Variants in CTNNA3 observed in about 807,000 individuals in gnomAD.
CTNNA3 encodes catenin alpha 3.
Under a neutral mutation model 95.7 loss-of-function variants are expected in CTNNA3, and 76 were observed. The ratio of observed to expected loss-of-function variants is 0.79; its 90% CI spans 0.66 to 0.96. The LOEUF (loss-of-function observed/expected upper bound fraction) is 0.96. CTNNA3 is among the 40% of genes least tolerant of loss of function. The pLI, the probability that CTNNA3 is intolerant of heterozygous loss-of-function variation, is 0.00. For missense variants in CTNNA3, 1,191 were observed against 1,089.8 expected (o/e 1.09, Z -1.31); for synonymous variants, 431 against 374.4 (o/e 1.15, Z -1.74).
chr10:66,160,583 C>T (rs2084790314), intron 13 of CTNNA3, among the ~76,000 whole-genome samples: 1 of 151,928 alleles, frequency 6.6e-6, no homozygotes, highest in African/African-American at 2.4e-5. Context: ...TTTATTGAGG[C>T]TCATTTTATG....
intron 11 of CTNNA3, among the ~76,000 whole-genome samples, chr10:66,511,347 CT>C (rs1200820918): frequency 6.6e-6 from 1 of 151,412 alleles, no homozygotes; most frequent in Non-Finnish European, 1.5e-5. Context: ...CTTTTGTTTG[CT>C]TTTTTGCCTC....
At position 67,600,153 on chromosome 10, in the gene CTNNA3, A is replaced by C. The variant is rs565308616; in HGVS notation, c.292+6704T>G. Among the ~76,000 whole-genome samples, 5 of 152,268 alleles carry C rather than the reference A, an allele frequency of 3.3e-5. No homozygotes were observed. The South Asian group carries it at 1.0e-3, about 32-fold the overall frequency. Reference sequence around the variant, plus strand: ...AAAACTAAACATCTAAATGCTTATAAATGGTACTGGAGCAATTAAATTTCT... The same window carrying C: ...AAAACTAAACATCTAAATGCTTATACATGGTACTGGAGCAATTAAATTTCT... On this transcript the variant is annotated intron_variant, in intron 3 of 17. Coordinates refer to ENST00000433211, the MANE Select transcript of CTNNA3 (RefSeq NM_013266.4).
chr10:67,356,899 C>T (rs1842830317), intron 5 of CTNNA3, among the ~76,000 whole-genome samples: 1 of 152,120 alleles, frequency 6.6e-6, no homozygotes, highest in South Asian at 2.1e-4. Flanking sequence ...GAGGATTACA[C>T]ACCATCCTTA....
At chr10:65,977,078 G>A (rs913743585) in intron 16 of CTNNA3, among the ~76,000 whole-genome samples, 1 of 152,074 alleles carries the variant, frequency 6.6e-6, no homozygotes, top group African/African-American at 2.4e-5. Flanking sequence ...TCTCTAGGTT[G>A]GTAGAACATT....
chr10:67,268,501 G>C (rs1866926033), intron 5 of CTNNA3, among the ~76,000 whole-genome samples: 1 of 152,032 alleles, frequency 6.6e-6, no homozygotes, highest in Non-Finnish European at 1.5e-5. Flanking sequence ...GCAACAAAGG[G>C]AGACCCAGCC....
rs542253905 is a variant in CTNNA3 at position 67,350,722 on chromosome 10, A to C, written c.580-130852T>G. Among the ~76,000 whole-genome samples the C allele has an allele frequency of 5.3e-5, 8 of 151,902 alleles. No homozygotes were observed. In the East Asian group the frequency reaches 1.4e-3, roughly 26 times the overall value. Reference sequence around the variant, plus strand: ...CAGATGCTGGTGAGGATGTAAAGCAACTGGAGCTCTCATAGGTTGCTGATG... The same window carrying C: ...CAGATGCTGGTGAGGATGTAAAGCACCTGGAGCTCTCATAGGTTGCTGATG... On this transcript the variant is annotated intron_variant, in intron 5 of 17. Transcript: ENST00000433211.
At chr10:67,232,541 A>G (rs1865264717) in intron 5 of CTNNA3, among the ~76,000 whole-genome samples, 1 of 152,194 alleles carries the variant, frequency 6.6e-6, no homozygotes, top group Admixed American at 6.5e-5. Context: ...AACTGGTACC[A>G]GCCACTGCAA....
At chr10:66,429,512 T>C (rs577414033) in intron 11 of CTNNA3, among the ~76,000 whole-genome samples, 16 of 152,280 alleles carry the variant, frequency 1.1e-4, no homozygotes, top group Admixed American at 9.8e-4. Context: ...AATAAAATAC[T>C]GGCAAACTGA....
At position 67,100,015 on chromosome 10, in the gene CTNNA3, A is replaced by T. The variant is rs141248187; in HGVS notation, c.1047+80302T>A. Among the ~76,000 whole-genome samples, 335 of 151,892 alleles carry T rather than the reference A, an allele frequency of 2.2e-3. 4 individuals are homozygous for T. The highest frequency in any genetic ancestry group is 7.7e-3 in the African/African-American group (320 of 41,512). On this transcript the variant is annotated intron_variant, in intron 7 of 17. Coordinates refer to ENST00000433211, the MANE Select transcript of CTNNA3 (RefSeq NM_013266.4). ...TTTCTCATTAGAAGTTATCCTTGCAAAGATAGAAAAAGAAGAATTAATTTG... is the reference window on the plus strand; with the variant it reads ...TTTCTCATTAGAAGTTATCCTTGCATAGATAGAAAAAGAAGAATTAATTTG...
At chr10:66,665,054 A>C (rs939360028) in intron 9 of CTNNA3, among the ~76,000 whole-genome samples, 3 of 152,166 alleles carry the variant, frequency 2.0e-5, no homozygotes, top group Admixed American at 2.0e-4. Flanking sequence ...GTTACTCTGT[A>C]TAACAAGTAA....
At chr10:66,933,291 G>T (rs932314399) in intron 7 of CTNNA3, among the ~76,000 whole-genome samples, 1 of 152,168 alleles carries the variant, frequency 6.6e-6, no homozygotes, top group Middle Eastern at 3.2e-3. Flanking sequence ...CTAAGTCTAT[G>T]ATTTTTATAC....
chr10:67,700,382 G>C (rs1288112029), upstream of CTNNA3, among the ~76,000 whole-genome samples: 4 of 152,184 alleles, frequency 2.6e-5, no homozygotes, highest in African/African-American at 7.2e-5. Context: ...CCCCCCAGTA[G>C]GGGCAGACTG....
intron 14 of CTNNA3, among the ~76,000 whole-genome samples, chr10:66,084,154 A>AAG (rs35492391): frequency 0.24 from 33,233 of 140,252 alleles, 4,872 homozygotes; most frequent in South Asian, 0.35. Context: ...AAAAGAAAAA[A>AAG]AAAGAAAAAG....
At chr10:66,034,329 C>T (rs2079515638) in intron 15 of CTNNA3, among the ~76,000 whole-genome samples, 1 of 152,048 alleles carries the variant, frequency 6.6e-6, no homozygotes, top group Admixed American at 6.6e-5. Context: ...GTGAAGTTCT[C>T]GGCATACTTC....
intron 1 of CTNNA3, among the ~76,000 whole-genome samples, chr10:67,664,465 C>CA (rs1388217553): frequency 7.9e-5 from 12 of 152,166 alleles, no homozygotes; most frequent in Non-Finnish European, 1.8e-4. Flanking sequence ...TAAGAGAAGG[C>CA]AACTGGTTTG....
chr10:66,725,787 T>C, intron 9 of CTNNA3, among the ~76,000 whole-genome samples: 1 of 152,094 alleles, frequency 6.6e-6, no homozygotes, highest in East Asian at 1.9e-4. Context: ...GAAACCTCAC[T>C]TGTTTCACAA....
At chr10:66,802,426 T>C (rs1024259955) in intron 7 of CTNNA3, among the ~76,000 whole-genome samples, 4 of 151,760 alleles carry the variant, frequency 2.6e-5, no homozygotes, top group African/African-American at 9.7e-5. Context: ...TCAAATATCA[T>C]TACAGAACTG....
intron 11 of CTNNA3, among the ~76,000 whole-genome samples, chr10:66,394,187 TG>T (rs1379829148): frequency 1.3e-5 from 2 of 152,056 alleles, no homozygotes; most frequent in African/African-American, 4.8e-5. Context: ...GACTATGCTC[TG>T]GTAATGTTAA....
intron 7 of CTNNA3, among the ~76,000 whole-genome samples, chr10:66,895,964 G>T (rs1431580621): frequency 6.6e-6 from 1 of 151,456 alleles, no homozygotes; most frequent in Non-Finnish European, 1.5e-5. Context: ...GGGCATGGTG[G>T]CACATGCCTG....
Sources: gnomAD v4.1 joint callset for allele counts (sites outside exome capture counted in the v4.1 genomes callset) on GRCh38, gnomAD v4.1.1 for gene constraint, MANE v1.5 for transcripts, NCBI Gene and HGNC (gene_info 2026-07-23, HGNC 2026-07-21) for gene names.